Variants in VIRMA observed in about 807,000 individuals in gnomAD.
VIRMA encodes the protein protein virilizer homolog.
VIRMA carries 65 observed loss-of-function variants against 182.4 expected under a neutral mutation model. That is an observed-to-expected ratio of 0.36 (90% CI 0.29 to 0.44). The LOEUF is 0.44. Ranked by LOEUF, VIRMA falls within the 20% of genes least tolerant of loss-of-function variation. VIRMA has a pLI of 1.00. For missense variants in VIRMA, 1,752 were observed against 2,158.1 expected, an observed-to-expected ratio of 0.81 and a Z score of 3.73; for synonymous variants, 709 against 743.1, an observed-to-expected ratio of 0.95 and a Z score of 0.75.
At chr8:94,493,771 G>T (rs1378614915) in intron 20 of VIRMA, among the ~76,000 whole-genome samples, 1 of 152,096 alleles carries the variant, frequency 6.6e-6, no homozygotes, top group African/African-American at 2.4e-5. Flanking sequence ...TAGTTTTATT[G>T]TATATGATGA....
chr8:94,503,877 A>T (rs201926953), intron 16 of VIRMA, among the ~76,000 whole-genome samples: 8,636 of 151,440 alleles, frequency 0.057, 273 homozygotes, highest in South Asian at 0.089. Flanking sequence ...AACCAAAAAA[A>T]CAAAAAAAAA....
At chr8:94,500,067 A>C (rs945957882) in intron 16 of VIRMA, among the ~76,000 whole-genome samples, 3 of 151,424 alleles carry the variant, frequency 2.0e-5, no homozygotes, top group African/African-American at 4.9e-5. Flanking sequence ...AAAAAAAAAA[A>C]AAAAAAACTT....
At chr8:94,536,031 A>T (rs572932089) in intron 4 of VIRMA, among the ~76,000 whole-genome samples, 4 of 152,340 alleles carry the variant, frequency 2.6e-5, no homozygotes, top group African/African-American at 9.6e-5. Flanking sequence ...AAGAGCCTGC[A>T]TTAGAAACCA....
In VIRMA at chr8:94,537,799, A is replaced by G. The variant is rs554023607; in HGVS notation, c.266+461T>C. Among the ~76,000 whole-genome samples the G allele has an allele frequency of 1.5e-4, 23 of 152,264 alleles. No homozygotes were observed. In the South Asian group the frequency reaches 3.7e-3, roughly 25 times the overall value. On this transcript the variant is annotated intron_variant, in intron 3 of 23. Transcript: ENST00000297591. ...GGTTTAATAATACCTAACCTGAAAA[A>G]AACTACCTAGCATGTACTAAATAAT...
chr8:94,535,242 G>A (rs1815299807), intron 4 of VIRMA, among the ~76,000 whole-genome samples: 1 of 152,134 alleles, frequency 6.6e-6, no homozygotes, highest in Non-Finnish European at 1.5e-5. Context: ...TATGCTTTAT[G>A]TCAACCTTGT....
chr8:94,491,312 C>T (rs1449140060), intron 22 of VIRMA, among the ~76,000 whole-genome samples: 1 of 136,430 alleles, frequency 7.3e-6, no homozygotes, highest in Non-Finnish European at 1.6e-5. Context: ...AGACTCTTGT[C>T]TCAAAAAAAA....
At chr8:94,509,492 C>T (rs1814281747) in intron 15 of VIRMA, among the ~76,000 whole-genome samples, 196 bp downstream of exon 15, 1 of 151,446 alleles carries the variant, frequency 6.6e-6, no homozygotes, top group Non-Finnish European at 1.5e-5. Context: ...GCACATAAAG[C>T]AATTACCCAA....
intron 8 of VIRMA, among the ~76,000 whole-genome samples, chr8:94,525,445 C>A (rs1401042746): frequency 6.6e-6 from 1 of 152,166 alleles, no homozygotes; most frequent in South Asian, 2.1e-4. Flanking sequence ...CTCAAGTTAT[C>A]CTTTTAGGAA....
chr8:94,509,000 C>G (rs1814260061), intron 15 of VIRMA, among the ~76,000 whole-genome samples: 1 of 152,156 alleles, frequency 6.6e-6, no homozygotes, highest in South Asian at 2.1e-4. Flanking sequence ...CTACTTTAGC[C>G]AACATCTATA....
At chr8:94,544,035 G>A in intron 1 of VIRMA, 93 bp from the exon 2 acceptor site, 1 of 677,430 alleles carries the variant, frequency 1.5e-6, no homozygotes, top group Non-Finnish European at 2.7e-6. Context: ...AATGTCACAT[G>A]TAAACTTAAC....
rs774843294 is a variant in VIRMA, at chr8:94,510,691, T to A, written c.3391-39A>T. 1.6e-5 allele frequency: 23 copies of A among 1,429,946 alleles called. No individual in the cohort carries two copies. In the East Asian group the frequency reaches 4.2e-4, roughly 26 times the overall value. 88.6% of individuals were successfully genotyped at this position (1,429,946 alleles called of 1,614,324 possible). A position where few individuals can be genotyped will look rare whatever the true frequency, so the allele number is the denominator to read the frequency against. On this transcript the variant is annotated intron_variant, in intron 13 of 23. Coordinates refer to ENST00000297591, the MANE Select transcript of VIRMA (RefSeq NM_015496.5). ...ATAATGTGTGTGTACGTAGATTTTT[T>A]AATATTTATTTATAGTCACAAAAAC... is the stretch of plus-strand genomic sequence containing the variant.
At chr8:94,550,256 G>A (rs1421976549) in intron 1 of VIRMA, among the ~76,000 whole-genome samples, 3 of 151,540 alleles carry the variant, frequency 2.0e-5, no homozygotes, top group African/African-American at 7.3e-5. Flanking sequence ...TTTTCTCTCT[G>A]ATTTTGTCAC....
At chr8:94,492,857 T>C (rs751022174) in intron 20 of VIRMA, 39 bp from the exon 21 acceptor site, 12 of 1,488,098 alleles carry the variant, frequency 8.1e-6, no homozygotes, top group Non-Finnish European at 1.1e-5. Context: ...ATATTAAATG[T>C]AATTATTAGC....
In VIRMA at chr8:94,513,425, CAAAAAAAAA is replaced by C. The variant is rs34173786; in HGVS notation, c.2752-1345_2752-1337del. On this transcript the variant is annotated intron_variant, in intron 11 of 23. Transcript: ENST00000297591. ...TCTTAGCTCATAGTAGAGTCTAGAC[CAAAAAAAAA>C]AAAAAAAAAAAGTTACTACCTCATT... Among the ~76,000 whole-genome samples, 760 of 115,024 alleles carry C rather than the reference CAAAAAAAAA, an allele frequency of 6.6e-3. 4 individuals are homozygous for C. Among genetic ancestry groups the C allele is most frequent in the African/African-American group, 0.022 (715 of 32,902 alleles). The allele number at this position is 115,024 out of a possible 152,430, so 75.5% of individuals were successfully genotyped here. A position where few individuals can be genotyped will look rare whatever the true frequency, so the allele number is the denominator to read the frequency against.
chr8:94,543,746 CCCTTA>C, intron 2 of VIRMA, 76 bp downstream of exon 2: 1 of 766,968 alleles, frequency 1.3e-6, no homozygotes, highest in South Asian at 1.6e-5. Flanking sequence ...GTAAAATATT[CCCTTA>C]CATTTTTGCA....
intron 15 of VIRMA, among the ~76,000 whole-genome samples, chr8:94,507,882 C>CATGTATATATGTATATATAT (rs1814215429): frequency 8.9e-6 from 1 of 112,424 alleles, no homozygotes. Flanking sequence ...TATATATATA[C>CATGTATATATGTATATATAT]ATGTATATAT....
chr8:94,550,458 ATTTG>A (rs1257809783), intron 1 of VIRMA, among the ~76,000 whole-genome samples: 2 of 151,718 alleles, frequency 1.3e-5, no homozygotes, highest in Non-Finnish European at 2.9e-5. Flanking sequence ...ACGCTCGGCT[ATTTG>A]TTTGTATTTT....
intron 16 of VIRMA, among the ~76,000 whole-genome samples, chr8:94,502,380 G>A (rs1814018620): frequency 6.6e-6 from 1 of 151,284 alleles, no homozygotes; most frequent in South Asian, 2.1e-4. Flanking sequence ...GTATTAGTAT[G>A]AATTAATTTT....
chr8:94,545,288 C>G (rs1415610024), intron 1 of VIRMA, among the ~76,000 whole-genome samples: 1 of 152,166 alleles, frequency 6.6e-6, no homozygotes, highest in Non-Finnish European at 1.5e-5. Flanking sequence ...TTTATGTCAA[C>G]TTTTCCTATT....
Sources: allele counts gnomAD v4.1 joint callset (sites outside exome capture counted in the v4.1 genomes callset), GRCh38; gene constraint gnomAD v4.1.1; transcripts MANE v1.5; gene names NCBI Gene and HGNC (gene_info 2026-07-23, HGNC 2026-07-21).